EDIL3: variants seen among roughly 807,000 people sequenced by gnomAD.
The protein encoded by EDIL3 is EGF-like repeat and discoidin I-like domain-containing protein 3.
A neutral mutation model predicts 67.4 loss-of-function variants in EDIL3; 37 were observed. The ratio of observed to expected loss-of-function variants is 0.55; its 90% CI spans 0.42 to 0.72. The LOEUF (loss-of-function observed/expected upper bound fraction) is 0.72. Among genes scored for constraint, EDIL3 ranks in the 30% least tolerant of loss-of-function variants. EDIL3 has a pLI of 0.00. For synonymous variants in EDIL3, 195 were observed against 196.3 expected (o/e 0.99, Z 0.05); for missense variants, 527 against 586.3 (o/e 0.90, Z 1.04).
intron 1 of EDIL3, among the ~76,000 whole-genome samples, chr5:84,337,242 A>G (rs1026296544): frequency 3.3e-5 from 5 of 152,200 alleles, no homozygotes; most frequent in Admixed American, 1.3e-4. Context: ...GTAGAAAGGT[A>G]CAAAGCCAAA....
chr5:84,156,425 A>G (rs934717931), intron 4 of EDIL3, among the ~76,000 whole-genome samples: 8 of 152,122 alleles, frequency 5.3e-5, no homozygotes, highest in Admixed American at 1.3e-4. Context: ...TTCTTTATCA[A>G]CACAATTCCC....
intron 1 of EDIL3, among the ~76,000 whole-genome samples, chr5:84,354,654 C>A (rs1340223013): frequency 1.8e-4 from 3 of 16,818 alleles, no homozygotes; most frequent in African/African-American, 6.7e-4. Context: ...GAGACTCCAT[C>A]TCAAAAAAAA....
intron 9 of EDIL3, among the ~76,000 whole-genome samples, chr5:84,031,495 G>A (rs1745923265): frequency 6.6e-6 from 1 of 152,142 alleles, no homozygotes; most frequent in Non-Finnish European, 1.5e-5. Flanking sequence ...CAGATGTTAA[G>A]GACTAAATGC....
In EDIL3 at chr5:83,986,166, C is replaced by T. The variant is rs1385390832; in HGVS notation, c.1138-22806G>A. 4.6e-5 allele frequency among the ~76,000 whole-genome samples: 7 copies of T among 151,966 alleles called. No individual in the cohort carries two copies. The East Asian group carries it at 1.4e-3, about 29-fold the overall frequency. On this transcript the variant is annotated intron_variant, in intron 9 of 10. Coordinates refer to ENST00000296591, the MANE Select transcript of EDIL3 (RefSeq NM_005711.5). Reference sequence around the variant, plus strand: ...AAAGGATATAATTAACAAACCACTTCAACAATAAAAGTTAAAGCAATAGCT... The same window carrying T: ...AAAGGATATAATTAACAAACCACTTTAACAATAAAAGTTAAAGCAATAGCT...
At chr5:84,033,578 C>A (rs1457023613) in intron 9 of EDIL3, among the ~76,000 whole-genome samples, 5 of 151,848 alleles carry the variant, frequency 3.3e-5, no homozygotes, top group Non-Finnish European at 7.4e-5. Context: ...GTGGCACACG[C>A]CTGTAGTCCC....
chr5:84,046,902 A>G (rs931784988), intron 9 of EDIL3, among the ~76,000 whole-genome samples: 8 of 152,178 alleles, frequency 5.3e-5, no homozygotes, highest in African/African-American at 1.9e-4. Flanking sequence ...TACCACTTCT[A>G]AGCAGAAGCA....
At position 84,108,790 on chromosome 5, in the gene EDIL3, C is replaced by T. The variant is rs77287187; in HGVS notation, c.470-1960G>A. Among the ~76,000 whole-genome samples the T allele has an allele frequency of 8.5e-5, 13 of 152,234 alleles. No individual in the cohort carries two copies. In the East Asian group the frequency reaches 1.9e-3, roughly 23 times the overall value. Reference sequence around the variant, plus strand: ...ACAATGTTTGGATGGAAAAATGAAACAGGCAGGGAGATCTTTTATTGCAGG... The same window carrying T: ...ACAATGTTTGGATGGAAAAATGAAATAGGCAGGGAGATCTTTTATTGCAGG... On this transcript the variant is annotated intron_variant, in intron 5 of 10. Transcript: ENST00000296591.
chr5:83,975,160 T>C (rs1433123099), intron 9 of EDIL3, among the ~76,000 whole-genome samples: 1 of 152,042 alleles, frequency 6.6e-6, no homozygotes, highest in African/African-American at 2.4e-5. Flanking sequence ...TGTTCTTGAC[T>C]GCATGTGAGC....
intron 6 of EDIL3, among the ~76,000 whole-genome samples, chr5:84,098,930 A>G (rs2112275593): frequency 6.6e-6 from 1 of 152,252 alleles, no homozygotes; most frequent in Non-Finnish European, 1.5e-5. Context: ...GAAGTCTGAG[A>G]CATGAAAAGC....
chr5:83,952,423 A>G (rs1200786998), intron 10 of EDIL3, among the ~76,000 whole-genome samples: 1 of 151,828 alleles, frequency 6.6e-6, no homozygotes, highest in Non-Finnish European at 1.5e-5. Flanking sequence ...CTGTGGCTAT[A>G]TATTTAAACT....
chr5:84,115,293 T>A (rs561412029), intron 5 of EDIL3, among the ~76,000 whole-genome samples: 2 of 152,348 alleles, frequency 1.3e-5, no homozygotes, highest in East Asian at 3.9e-4. Flanking sequence ...TCTAGCTATT[T>A]CCTTTAAAAT....
intron 4 of EDIL3, among the ~76,000 whole-genome samples, chr5:84,163,842 C>G (rs1433483661): frequency 6.6e-6 from 1 of 152,060 alleles, no homozygotes; most frequent in African/African-American, 2.4e-5. Context: ...CCATTTTCAT[C>G]AAAATACTAT....
intron 10 of EDIL3, 26 bp downstream of exon 10, chr5:83,963,179 T>C: frequency 6.3e-7 from 1 of 1,579,478 alleles, no homozygotes; most frequent in Admixed American, 1.9e-5. Flanking sequence ...ACTTCTGAAC[T>C]TTATAAACCG....
At chr5:84,133,184 A>C (rs2112311744) in intron 5 of EDIL3, among the ~76,000 whole-genome samples, 1 of 152,268 alleles carries the variant, frequency 6.6e-6, no homozygotes, top group African/African-American at 2.4e-5. Context: ...CATTGCACTT[A>C]ATCTAGTTTA....
chr5:84,218,083 G>A (rs1182950617), intron 3 of EDIL3, among the ~76,000 whole-genome samples: 1 of 152,010 alleles, frequency 6.6e-6, no homozygotes, highest in Non-Finnish European at 1.5e-5. Context: ...CATTATAACA[G>A]AAGTTTTAAA....
Position 84,340,534 on chromosome 5 carries a change from C to A in EDIL3, c.67+43774G>T, listed in dbSNP as rs5869224. On this transcript the variant is annotated intron_variant, in intron 1 of 10. Transcript: ENST00000296591. ...TCTCTCTCTCTCTCTCTCTCTCTCT[C>A]TATATATATATATATATATATATAT... Among the ~76,000 whole-genome samples, 474 of 54,088 alleles carry A rather than the reference C, an allele frequency of 8.8e-3. 2 individuals are homozygous for A. The highest frequency in any genetic ancestry group is 0.011 in the Non-Finnish European group (300 of 27,416). 35.5% of individuals were successfully genotyped at this position (54,088 alleles called of 152,430 possible). A position where few individuals can be genotyped will look rare whatever the true frequency, so the allele number is the denominator to read the frequency against.
At chr5:84,021,266 G>T (rs1745709264) in intron 9 of EDIL3, among the ~76,000 whole-genome samples, 1 of 149,748 alleles carries the variant, frequency 6.7e-6, no homozygotes, top group Admixed American at 6.7e-5. Flanking sequence ...GCTAATTTGG[G>T]GCTTGTTATT....
rs1361032209 is a variant in EDIL3 at position 83,948,621 on chromosome 5, AT to A, written c.1294-5054del. Among the ~76,000 whole-genome samples, 6 of 151,740 alleles carry A rather than the reference AT, an allele frequency of 4.0e-5. No homozygotes were observed. The East Asian group carries it at 5.8e-4, about 15-fold the overall frequency. Reference sequence around the variant, plus strand: ...ATTTTTTTTATTAAAAAGGAAAAAAATATCAAAATATATAGAAAATTATTTT... The same window carrying A: ...ATTTTTTTTATTAAAAAGGAAAAAAAATCAAAATATATAGAAAATTATTTT... On this transcript the variant is annotated intron_variant, in intron 10 of 10. Coordinates refer to ENST00000296591, the MANE Select transcript of EDIL3 (RefSeq NM_005711.5).
At chr5:84,382,090 G>GA (rs894148050) in intron 1 of EDIL3, among the ~76,000 whole-genome samples, 8 of 152,112 alleles carry the variant, frequency 5.3e-5, no homozygotes, top group African/African-American at 1.7e-4. Context: ...AGGTGAGGGA[G>GA]AAAAAATTAG....
Sources: allele counts gnomAD v4.1 joint callset (sites outside exome capture counted in the v4.1 genomes callset), GRCh38; gene constraint gnomAD v4.1.1; transcripts MANE v1.5; gene names NCBI Gene and HGNC (gene_info 2026-07-23, HGNC 2026-07-21).